Variants in PPP2R2B observed in about 807,000 individuals in gnomAD.
PPP2R2B encodes protein phosphatase 2 regulatory subunit Bbeta.
A neutral mutation model predicts 46.0 loss-of-function variants in PPP2R2B; 5 were observed. The ratio of observed to expected loss-of-function variants is 0.11; its 90% confidence interval spans 0.06 to 0.23. The LOEUF (loss-of-function observed/expected upper bound fraction) is 0.23. Ranked by LOEUF, PPP2R2B falls within the 10% of genes least tolerant of loss-of-function variation. The probability of loss-of-function intolerance (pLI) is 1.00; values close to 1 mark genes in which losing one functional copy is unlikely to be tolerated. For missense variants in PPP2R2B, 367 were observed against 575.0 expected (o/e 0.64, Z 3.70); for synonymous variants, 215 against 206.7 (o/e 1.04, Z -0.34).
chr5:146,869,414 C>T (rs1346888197), intron 2 of PPP2R2B, among the ~76,000 whole-genome samples: 1 of 152,176 alleles, frequency 6.6e-6, no homozygotes, highest in Admixed American at 6.5e-5. Flanking sequence ...ACTAAATAAA[C>T]TGTGGTACTG....
chr5:146,809,699 C>T (rs1018670041), intron 2 of PPP2R2B, among the ~76,000 whole-genome samples: 72 of 152,178 alleles, frequency 4.7e-4, no homozygotes, highest in African/African-American at 1.6e-3. Flanking sequence ...CTTGGTAAGG[C>T]GTTTGCTACT....
At chr5:146,763,490 C>T (rs899126364) in intron 2 of PPP2R2B, among the ~76,000 whole-genome samples, 1 of 152,126 alleles carries the variant, frequency 6.6e-6, no homozygotes, top group Non-Finnish European at 1.5e-5. Context: ...ATGTGACATA[C>T]CCAACACACG....
chr5:146,870,123 G>A (rs940485708), intron 2 of PPP2R2B, among the ~76,000 whole-genome samples: 5 of 152,230 alleles, frequency 3.3e-5, no homozygotes, highest in South Asian at 2.1e-4. Flanking sequence ...TGGAGGAGGC[G>A]GCCTGCCATT....
chr5:146,979,979 A>T (rs1359086131), intron 1 of PPP2R2B, among the ~76,000 whole-genome samples: 2 of 152,172 alleles, frequency 1.3e-5, no homozygotes, highest in East Asian at 3.9e-4. Context: ...CACATATGCA[A>T]ACTTGTTTTA....
intron 1 of PPP2R2B, among the ~76,000 whole-genome samples, chr5:146,921,210 A>G (rs1763592916): frequency 6.6e-6 from 1 of 152,242 alleles, no homozygotes; most frequent in South Asian, 2.1e-4. Flanking sequence ...AATAAAAGAT[A>G]TCATGTCTTA....
At chr5:147,059,455 C>T (rs907167621), upstream of PPP2R2B, among the ~76,000 whole-genome samples, 5 of 152,100 alleles carry the variant, frequency 3.3e-5, no homozygotes, top group Non-Finnish European at 5.9e-5. Flanking sequence ...CAGATAAGAG[C>T]AGGGTCACCA....
At chr5:146,971,485 A>G (rs1227206954) in intron 1 of PPP2R2B, among the ~76,000 whole-genome samples, 2 of 152,252 alleles carry the variant, frequency 1.3e-5, no homozygotes, top group African/African-American at 4.8e-5. Context: ...AGAATGCGCC[A>G]CAATTCATTA....
chr5:146,743,107 C>T (rs1341715815), intron 2 of PPP2R2B, among the ~76,000 whole-genome samples: 2 of 152,170 alleles, frequency 1.3e-5, no homozygotes, highest in African/African-American at 2.4e-5. Context: ...GCAGCCCTAG[C>T]AAACTAATAT....
At position 146,581,003 on chromosome 5, in the gene PPP2R2B, G is replaced by T. The variant is rs1047845663; in HGVS notation, c.*8944C>A. On this transcript the variant is annotated 3_prime_UTR_variant, in exon 10 of 10. Transcript: ENST00000394411. ...CTTGTTCCATGATGGATACTTTCTC[G>T]GTTTCTATGATATTTGTCTGATCTT... The T allele has an allele frequency of 6.6e-6, 1 of 151,860 alleles. No homozygotes were observed. Among genetic ancestry groups the T allele is most frequent in the Admixed American group, 6.6e-5 (1 of 15,252 alleles). The allele number at this position is 151,860 out of a possible 1,614,324, so 9.4% of individuals were successfully genotyped here.
chr5:146,988,343 G>A (rs1347834751), intron 1 of PPP2R2B, among the ~76,000 whole-genome samples: 1 of 151,912 alleles, frequency 6.6e-6, no homozygotes, highest in East Asian at 1.9e-4. Context: ...ATGGAACATT[G>A]TCTAAGATAG....
At chr5:147,055,699 C>T (rs377462455) in exon 1 of PPP2R2B, 19 of 1,612,754 alleles carry the variant, frequency 1.2e-5, no homozygotes, top group African/African-American at 5.3e-5. Flanking sequence ...GGATGGTGTT[C>T]GGAGGTCTGA....
intron 1 of PPP2R2B, among the ~76,000 whole-genome samples, chr5:146,899,224 C>T (rs572804387): frequency 6.9e-6 from 1 of 143,970 alleles, no homozygotes; most frequent in African/African-American, 2.7e-5. Context: ...GGAACCAACC[C>T]AAGTGTCCAA....
intron 1 of PPP2R2B, chr5:146,914,245 C>T (rs974405737): frequency 2.0e-5 from 3 of 152,054 alleles, no homozygotes; most frequent in African/African-American, 4.8e-5. Context: ...TTTCTTTTCC[C>T]GTTAAAGAAG....
chr5:146,901,396 T>G (rs1311869546), intron 1 of PPP2R2B, among the ~76,000 whole-genome samples: 1 of 151,924 alleles, frequency 6.6e-6, no homozygotes, highest in African/African-American at 2.4e-5. Context: ...TCCCAGCTAC[T>G]TGGGGGACTG....
intron 5 of PPP2R2B, among the ~76,000 whole-genome samples, chr5:146,689,295 G>T (rs981703309): frequency 6.6e-6 from 1 of 152,094 alleles, no homozygotes; most frequent in African/African-American, 2.4e-5. Flanking sequence ...GACATTGGAG[G>T]CACAAGGTAT....
At chr5:147,037,068 CA>C (rs1410752896) in intron 1 of PPP2R2B, among the ~76,000 whole-genome samples, 1 of 152,048 alleles carries the variant, frequency 6.6e-6, no homozygotes, top group Admixed American at 6.6e-5. Flanking sequence ...CCCACGTTAG[CA>C]TACAGTAGAG....
chr5:147,078,229 G>A (rs928891894), intron 2 of PPP2R2B, among the ~76,000 whole-genome samples: 6 of 152,142 alleles, frequency 3.9e-5, no homozygotes, highest in African/African-American at 1.4e-4. Flanking sequence ...CAAATATCGA[G>A]TACTTACAAA....
chr5:146,944,800 C>T (rs1033180097), intron 1 of PPP2R2B, among the ~76,000 whole-genome samples: 5 of 151,926 alleles, frequency 3.3e-5, no homozygotes, highest in Admixed American at 3.3e-4. Context: ...TAAAGAAATA[C>T]TGTGATGAAA....
At chr5:146,974,438 G>GA (rs1250741723) in intron 1 of PPP2R2B, among the ~76,000 whole-genome samples, 1 of 152,124 alleles carries the variant, frequency 6.6e-6, no homozygotes, top group Non-Finnish European at 1.5e-5. Context: ...GGTGGGTTTG[G>GA]ATAGGGCAGT....
Sources: gnomAD v4.1 joint callset for allele counts (sites outside exome capture counted in the v4.1 genomes callset) on GRCh38, gnomAD v4.1.1 for gene constraint, MANE v1.5 for transcripts, NCBI Gene and HGNC (gene_info 2026-07-23, HGNC 2026-07-21) for gene names.